The following CHCHD4 variants were observed in gnomAD, a reference collection of about 807,000 sequenced individuals.
CHCHD4 encodes the protein mitochondrial intermembrane space import and assembly protein 40.
Under a neutral mutation model 12.4 loss-of-function variants are expected in CHCHD4, and 7 were observed. The observed-to-expected ratio is 0.57, with a 90% CI of 0.32 to 1.06. The LOEUF is 1.06. Among genes scored for constraint, CHCHD4 ranks in the 50% least tolerant of loss-of-function variants. The pLI is 0.04. For synonymous variants in CHCHD4, 56 were observed against 58.0 expected (o/e 0.97, Z 0.16); for missense variants, 143 against 175.1 (o/e 0.82, Z 1.03).
At chr3:14,122,393 G>A (rs1190267084) in intron 1 of CHCHD4, among the ~76,000 whole-genome samples, 1 of 152,252 alleles carries the variant, frequency 6.6e-6, no homozygotes, top group African/African-American at 2.4e-5. Flanking sequence ...CATCACGTGT[G>A]CTCTATAATT....
At chr3:14,121,833 T>C (rs1694937849) in intron 1 of CHCHD4, 1 of 1,607,918 alleles carries the variant, frequency 6.2e-7, no homozygotes, top group South Asian at 1.1e-5. Flanking sequence ...CCATACAGAA[T>C]CAAGTGTCTG....
intron 2 of CHCHD4, among the ~76,000 whole-genome samples, chr3:14,113,498 A>C (rs1289882650): frequency 6.6e-6 from 1 of 152,194 alleles, no homozygotes; most frequent in Non-Finnish European, 1.5e-5. Flanking sequence ...AGAAGAGGAG[A>C]TCACTTGGAT....
At chr3:14,121,094 C>T (rs1225459640) in intron 1 of CHCHD4, among the ~76,000 whole-genome samples, 1 of 152,090 alleles carries the variant, frequency 6.6e-6, no homozygotes, top group Non-Finnish European at 1.5e-5. Context: ...TCTTAGTACA[C>T]CTGAAGGGAA....
rs746612304 is a variant in CHCHD4 at position 14,112,881 on chromosome 3, C to G, written c.*6G>C. 6.2e-7 allele frequency: 1 copy of G among 1,605,592 alleles called. No homozygotes were observed. The highest frequency in any genetic ancestry group is 2.2e-5 in the East Asian group (1 of 44,746). On this transcript the variant is annotated 3_prime_UTR_variant, in exon 3 of 3. Coordinates refer to ENST00000396914, the MANE Select transcript of CHCHD4 (RefSeq NM_001098502.2). ...AGGACTGGTGCCCAGTGCCTTGTGGCCTTCATTAACTTGATCCCTCCTCTT... is the reference window on the plus strand; with the variant it reads ...AGGACTGGTGCCCAGTGCCTTGTGGGCTTCATTAACTTGATCCCTCCTCTT...
intron 2 of CHCHD4, among the ~76,000 whole-genome samples, chr3:14,113,484 C>T (rs1289951858): frequency 6.6e-6 from 1 of 152,160 alleles, no homozygotes; most frequent in African/African-American, 2.4e-5. Flanking sequence ...CCCATTTAGC[C>T]CAAAGAAGAG....
intron 1 of CHCHD4, among the ~76,000 whole-genome samples, chr3:14,118,255 G>A (rs1462332289): frequency 1.3e-5 from 2 of 152,274 alleles, no homozygotes; most frequent in Non-Finnish European, 2.9e-5. Flanking sequence ...AGTGGCCACT[G>A]TGGGCGCAGA....
intron 1 of CHCHD4, chr3:14,121,818 C>A: frequency 6.3e-7 from 1 of 1,595,400 alleles, no homozygotes; most frequent in Non-Finnish European, 8.5e-7. Context: ...AAAGATACAA[C>A]TCCCCCATAC....
chr3:14,119,241 CAATGT>C (rs1274071255), intron 1 of CHCHD4: 1 of 152,226 alleles, frequency 6.6e-6, no homozygotes, highest in Non-Finnish European at 1.5e-5. Flanking sequence ...TTGTCCCATG[CAATGT>C]GTTTTATTAC....
intron 2 of CHCHD4, among the ~76,000 whole-genome samples, chr3:14,114,557 CT>C (rs2124975050): frequency 6.6e-6 from 1 of 152,276 alleles, no homozygotes; most frequent in South Asian, 2.1e-4. Context: ...ATGCTGCCCC[CT>C]GGAGCTTCAA....
At chr3:14,114,607 G>A (rs1165936064) in intron 2 of CHCHD4, among the ~76,000 whole-genome samples, 1 of 152,088 alleles carries the variant, frequency 6.6e-6, no homozygotes, top group Non-Finnish European at 1.5e-5. Context: ...TCCAAAAGAG[G>A]TAATACTGAC....
At position 14,124,666 on chromosome 3, in the gene CHCHD4, C is replaced by T; in HGVS notation, c.11G>A (p.Cys4Tyr). 6.5e-7 allele frequency: 1 copy of T among 1,528,228 alleles called. No individual in the cohort carries two copies. The allele number at this position is 1,528,228 out of a possible 1,614,324, so 94.7% of individuals were successfully genotyped here. ...CCCGCCCTCCCTACCTTCCTGCCGG[C>T]AATAGGACATGGCTGCAGCCCGTCC... MSYCRQEGKDRIIF... is the reference protein window; with the variant it reads MSYYRQEGKDRIIF... Residue 4 changes from cysteine (C) to tyrosine (Y), a missense_variant, in exon 1 of 3, where the codon TGC becomes TAC. Physicochemically the swap from Cys to Tyr is radical, Grantham distance 194 (BLOSUM62 -2). Coordinates refer to ENST00000396914, the MANE Select transcript of CHCHD4 (RefSeq NM_001098502.2).
rs114207647 is a variant in CHCHD4, at chr3:14,117,886, T to C, written c.23-1362A>G. Among the ~76,000 whole-genome samples the C allele has an allele frequency of 2.9e-3, 448 of 152,230 alleles. 2 individuals carry two copies. The highest frequency in any genetic ancestry group is 0.01 in the African/African-American group (429 of 41,530). ...CACCCATACTGCCCCGCACCAACAT[T>C]TGCACAAGAATAATCGACAGCTGAC... On this transcript the variant is annotated intron_variant, in intron 1 of 2. Transcript: ENST00000396914.
In CHCHD4 at chr3:14,112,688, C is replaced by CAT. The variant is rs1206408278; in HGVS notation, c.*198_*199insAT. 10 of 537,682 alleles carry CAT rather than the reference C, an allele frequency of 1.9e-5. No homozygotes were observed. Among genetic ancestry groups the CAT allele is most frequent in the Middle Eastern group, 4.7e-4 (1 of 2,120 alleles). 33.3% of individuals were successfully genotyped at this position (537,682 alleles called of 1,614,324 possible). Reference sequence around the variant, plus strand: ...GGCGGCCACAGGTTTGGGTAGGACACACATACATACAACCCCCATTTTTTT... The same window carrying CAT: ...GGCGGCCACAGGTTTGGGTAGGACACATACATACATACAACCCCCATTTTTTT... On this transcript the variant is annotated 3_prime_UTR_variant, in exon 3 of 3. Coordinates refer to ENST00000396914, the MANE Select transcript of CHCHD4 (RefSeq NM_001098502.2).
chr3:14,124,602 T>A, intron 1 of CHCHD4, 53 bp downstream of exon 1: 1 of 1,440,636 alleles, frequency 6.9e-7, no homozygotes, highest in Non-Finnish European at 9.1e-7. Context: ...GGGGCCCGCG[T>A]GTCTCCCGCA....
chr3:14,120,800 A>G (rs1479823318), intron 1 of CHCHD4, among the ~76,000 whole-genome samples: 1 of 152,208 alleles, frequency 6.6e-6, no homozygotes, highest in East Asian at 1.9e-4. Flanking sequence ...ACCCAAGTGT[A>G]AGAATTAAAG....
chr3:14,117,527 C>A (rs1229234807), intron 1 of CHCHD4, among the ~76,000 whole-genome samples: 1 of 152,224 alleles, frequency 6.6e-6, no homozygotes, highest in Non-Finnish European at 1.5e-5. Flanking sequence ...GCTGTCAACA[C>A]TTTACCTCAC....
At chr3:14,122,015 G>T in intron 1 of CHCHD4, 2 of 1,613,604 alleles carry the variant, frequency 1.2e-6, no homozygotes, top group Non-Finnish European at 1.7e-6. Context: ...TCCTACCTTT[G>T]TCCCTGACAA....
At chr3:14,113,393 A>AT (rs1694842344) in intron 2 of CHCHD4, among the ~76,000 whole-genome samples, 199 bp from the exon 3 acceptor site, 1 of 152,098 alleles carries the variant, frequency 6.6e-6, no homozygotes, top group South Asian at 2.1e-4. Flanking sequence ...CCAATGACAT[A>AT]TTTCTCCACG....
rs571386735 is a variant in CHCHD4 at position 14,113,607 on chromosome 3, C to T, written c.122-413G>A. Among the ~76,000 whole-genome samples the T allele has an allele frequency of 3.3e-5, 5 of 152,178 alleles. No homozygotes were observed. In the South Asian group the frequency reaches 1.0e-3, roughly 32 times the overall value. ...CTCCCCATATGGATGATCAGGACCA[C>T]CCCACCCCCATGCTCCCTGCCCCCC... On this transcript the variant is annotated intron_variant, in intron 2 of 2. Coordinates refer to ENST00000396914, the MANE Select transcript of CHCHD4 (RefSeq NM_001098502.2).
Sources: gnomAD v4.1 joint callset for allele counts (sites outside exome capture counted in the v4.1 genomes callset) on GRCh38, gnomAD v4.1.1 for gene constraint, MANE v1.5 for transcripts, NCBI Gene and HGNC (gene_info 2026-07-23, HGNC 2026-07-21) for gene names.